Variants in SIM1 observed in about 807,000 individuals in gnomAD.
The protein encoded by SIM1 is SIM bHLH transcription factor 1.
Under a neutral mutation model 78.2 loss-of-function variants are expected in SIM1, and 18 were observed. That is an observed-to-expected ratio of 0.23 (90% CI 0.16 to 0.34). The LOEUF (loss-of-function observed/expected upper bound fraction) is 0.34. SIM1 is among the 10% of genes least tolerant of loss of function. The probability of loss-of-function intolerance (pLI) is 1.00; values close to 1 mark genes in which losing one functional copy is unlikely to be tolerated. For synonymous variants in SIM1, 417 were observed against 385.2 expected (o/e 1.08, Z -0.97); for missense variants, 939 against 975.1 (o/e 0.96, Z 0.49).
At chr6:100,459,405 G>A (rs1772777430) in intron 2 of SIM1, among the ~76,000 whole-genome samples, 1 of 152,204 alleles carries the variant, frequency 6.6e-6, no homozygotes, top group Non-Finnish European at 1.5e-5. Flanking sequence ...CTAGCATGGA[G>A]GGTAAACTGT....
chr6:100,414,582 T>C (rs992630583), intron 10 of SIM1, among the ~76,000 whole-genome samples: 1 of 152,158 alleles, frequency 6.6e-6, no homozygotes, highest in South Asian at 2.1e-4. Context: ...AATAAACCTA[T>C]CTAATATAAG....
intron 11 of SIM1, among the ~76,000 whole-genome samples, chr6:100,391,711 T>C (rs1308269284): frequency 6.6e-6 from 1 of 152,202 alleles, no homozygotes; most frequent in Non-Finnish European, 1.5e-5. Context: ...TATACATCTA[T>C]TCACATAGAT....
intron 11 of SIM1, among the ~76,000 whole-genome samples, chr6:100,392,579 A>C (rs750690265): frequency 6.6e-6 from 1 of 152,236 alleles, no homozygotes; most frequent in African/African-American, 2.4e-5. Context: ...GAAAAATAGA[A>C]AGCAAGAATA....
rs553678447 is a variant in SIM1 at position 100,388,017 on chromosome 6, C to G, written c.*2344G>C. 1 of 152,172 alleles carries G rather than the reference C, an allele frequency of 6.6e-6. No homozygotes were observed. Among genetic ancestry groups the G allele is most frequent in the African/African-American group, 2.4e-5 (1 of 41,458 alleles). 9.4% of individuals were successfully genotyped at this position (152,172 alleles called of 1,614,324 possible). A position where few individuals can be genotyped will look rare whatever the true frequency, so the allele number is the denominator to read the frequency against. On this transcript the variant is annotated 3_prime_UTR_variant, in exon 12 of 12. Coordinates refer to ENST00000369208, the MANE Select transcript of SIM1 (RefSeq NM_005068.3). ...TTTTTTCTTCCAAACATCTATCAAT[C>G]TACAGAATTCTACAAAACCTTTAGC...
At chr6:100,432,193 T>G (rs180797017) in intron 9 of SIM1, among the ~76,000 whole-genome samples, 15 of 152,246 alleles carry the variant, frequency 9.9e-5, no homozygotes, top group African/African-American at 3.1e-4. Flanking sequence ...GTGTTATCAT[T>G]TATTGATTCA....
intron 11 of SIM1, 133 bp from the exon 12 acceptor site, chr6:100,391,224 A>G: frequency 2.1e-6 from 2 of 963,914 alleles, no homozygotes; most frequent in Non-Finnish European, 2.9e-6. Context: ...AAACAGGCTC[A>G]CATGATGTGA....
At chr6:100,455,409 C>CT in intron 2 of SIM1, among the ~76,000 whole-genome samples, 1 of 152,208 alleles carries the variant, frequency 6.6e-6, no homozygotes, top group Non-Finnish European at 1.5e-5. Flanking sequence ...GGAAGGGCCC[C>CT]CGCCACAGCC....
At position 100,385,669 on chromosome 6, in the gene SIM1, A is replaced by ATTTATGTGTG. The variant is rs1770500850; in HGVS notation, c.*4691_*4692insCACACATAAA. ...TATGTGAACCATCATTTATTTATTTATGTGTGTGTGTGTGTGTGTGTGTGT... is the reference window on the plus strand; with the variant it reads ...TATGTGAACCATCATTTATTTATTTATTTATGTGTGTGTGTGTGTGTGTGTGTGTGTGTGT... On this transcript the variant is annotated 3_prime_UTR_variant, in exon 12 of 12. Transcript: ENST00000369208. 1 of 143,322 alleles carries ATTTATGTGTG rather than the reference A, an allele frequency of 7.0e-6. No homozygotes were observed. Among genetic ancestry groups the ATTTATGTGTG allele is most frequent in the African/African-American group, 2.6e-5 (1 of 38,058 alleles). 8.9% of individuals were successfully genotyped at this position (143,322 alleles called of 1,614,324 possible).
intron 2 of SIM1, chr6:100,462,512 T>C (rs1772881321): frequency 6.6e-6 from 1 of 152,224 alleles, no homozygotes; most frequent in Non-Finnish European, 1.5e-5. Context: ...GAGTTTTAAA[T>C]CATGTCAACA....
In SIM1 at chr6:100,393,447, C is replaced by T. The variant is rs759836948; in HGVS notation, c.1570+40G>A. 4.0e-6 allele frequency: 6 copies of T among 1,485,876 alleles called. No individual in the cohort carries two copies. In the African/African-American group the frequency reaches 4.2e-5, roughly 10 times the overall value. The allele number at this position is 1,485,876 out of a possible 1,614,324, so 92.0% of individuals were successfully genotyped here. A position where few individuals can be genotyped will look rare whatever the true frequency, so the allele number is the denominator to read the frequency against. On this transcript the variant is annotated intron_variant, in intron 11 of 11. Transcript: ENST00000369208. ...ACAATGTGATGAACCTGCCCAGGGCCTAATGCTTGGAGTTCGGGAACCCTT... is the reference window on the plus strand; with the variant it reads ...ACAATGTGATGAACCTGCCCAGGGCTTAATGCTTGGAGTTCGGGAACCCTT...
chr6:100,459,004 C>A (rs149638899), intron 2 of SIM1, among the ~76,000 whole-genome samples: 2 of 152,264 alleles, frequency 1.3e-5, no homozygotes, highest in African/African-American at 4.8e-5. Context: ...AAATACCTGG[C>A]GGGACGGAGA....
At chr6:100,461,271 A>G (rs1772834920) in intron 2 of SIM1, among the ~76,000 whole-genome samples, 2 of 152,188 alleles carry the variant, frequency 1.3e-5, no homozygotes, top group Admixed American at 1.3e-4. Context: ...TAGAGTTAGC[A>G]CTTAATTATG....
intron 9 of SIM1, among the ~76,000 whole-genome samples, chr6:100,425,225 G>C (rs1771695561): frequency 6.6e-6 from 1 of 152,176 alleles, no homozygotes; most frequent in Admixed American, 6.5e-5. Context: ...GGCCTCCCCA[G>C]ACATGTGGGA....
chr6:100,458,697 G>C (rs921463674), intron 2 of SIM1, among the ~76,000 whole-genome samples: 10 of 152,280 alleles, frequency 6.6e-5, no homozygotes, highest in South Asian at 6.2e-4. Flanking sequence ...TGCGTGCTTC[G>C]GGCGGTGCGG....
intron 9 of SIM1, among the ~76,000 whole-genome samples, chr6:100,437,853 A>G (rs1241188014): frequency 1.3e-5 from 2 of 152,200 alleles, no homozygotes; most frequent in Admixed American, 6.6e-5. Context: ...GAATGGAGAG[A>G]AAATAAACAC....
At chr6:100,434,451 G>T (rs1048815642) in intron 9 of SIM1, among the ~76,000 whole-genome samples, 3 of 152,220 alleles carry the variant, frequency 2.0e-5, no homozygotes, top group Non-Finnish European at 2.9e-5. Flanking sequence ...CTCTTTGCCT[G>T]TCGCTTGTTT....
At chr6:100,416,236 T>A (rs1375939586) in intron 10 of SIM1, among the ~76,000 whole-genome samples, 1 of 152,206 alleles carries the variant, frequency 6.6e-6, no homozygotes, top group African/African-American at 2.4e-5. Flanking sequence ...CCTTCATGTT[T>A]CTCTCCTCTT....
At chr6:100,431,904 T>C (rs1771911286) in intron 9 of SIM1, among the ~76,000 whole-genome samples, 3 of 152,290 alleles carry the variant, frequency 2.0e-5, no homozygotes, top group South Asian at 4.2e-4. Context: ...GGCTCATTCA[T>C]TGGCCAAAGT....
chr6:100,447,132 C>A (rs1419203798), intron 9 of SIM1, 136 bp downstream of exon 9: 6 of 906,058 alleles, frequency 6.6e-6, no homozygotes, highest in Middle Eastern at 3.6e-4. Context: ...CTCCTCTTGG[C>A]GCAGCCAGCA....
Sources: allele counts gnomAD v4.1 joint callset (sites outside exome capture counted in the v4.1 genomes callset), GRCh38; gene constraint gnomAD v4.1.1; transcripts MANE v1.5; gene names NCBI Gene and HGNC (gene_info 2026-07-23, HGNC 2026-07-21).